The following GSKIP variants were observed in gnomAD, a reference collection of about 807,000 sequenced individuals.
GSKIP encodes GSK3B interacting protein.
GSKIP carries 5 observed loss-of-function variants against 11.9 expected under a neutral mutation model. The ratio of observed to expected loss-of-function variants is 0.42; its 90% CI spans 0.22 to 0.89. The LOEUF is 0.89. Among genes scored for constraint, GSKIP ranks in the 40% least tolerant of loss-of-function variants. The pLI, the probability that GSKIP is intolerant of heterozygous loss-of-function variation, is 0.29. For missense variants in GSKIP, 150 were observed against 166.6 expected (o/e 0.90, Z 0.55); for synonymous variants, 70 against 62.9 (o/e 1.11, Z -0.54).
chr14:96,385,375 C>T lies in GSKIP; in HGVS notation c.259-148C>T, dbSNP rs1042220696. ...ACTCTGACTTTGAGAAATAGTTTCACTCAGTTACCCATGTATCTGGTGGTC... is the reference window on the plus strand; with the variant it reads ...ACTCTGACTTTGAGAAATAGTTTCATTCAGTTACCCATGTATCTGGTGGTC... On this transcript the variant is annotated intron_variant, in intron 3 of 3. Transcript: ENST00000555181. The T allele has an allele frequency of 6.9e-6, 4 of 576,290 alleles. No homozygotes were observed. The African/African-American group carries it at 7.5e-5, about 11-fold the overall frequency. 35.7% of individuals were successfully genotyped at this position (576,290 alleles called of 1,614,324 possible).
At chr14:96,366,720 C>T (rs1340857996) in intron 1 of GSKIP, among the ~76,000 whole-genome samples, 1 of 152,022 alleles carries the variant, frequency 6.6e-6, no homozygotes, top group Non-Finnish European at 1.5e-5. Flanking sequence ...AGAGCAAGAC[C>T]CTATTTCAAA....
chr14:96,385,886 GC>G lies in GSKIP; in HGVS notation c.*203del, dbSNP rs1889477747. 1 of 499,760 alleles carries G rather than the reference GC, an allele frequency of 2.0e-6. No homozygotes were observed. The highest frequency in any genetic ancestry group is 3.6e-6 in the Non-Finnish European group (1 of 279,730). The allele number at this position is 499,760 out of a possible 1,614,324, so 31.0% of individuals were successfully genotyped here. On this transcript the variant is annotated 3_prime_UTR_variant, in exon 4 of 4. Transcript: ENST00000555181. ...TCAGTAAGGGAATTCTGAGGCCGTT[GC>G]TATGATACCATCATTAAGACATTCA...
intron 1 of GSKIP, among the ~76,000 whole-genome samples, chr14:96,376,438 G>A (rs1004302994): frequency 6.6e-6 from 1 of 152,074 alleles, no homozygotes; most frequent in African/African-American, 2.4e-5. Flanking sequence ...TGACTGACCT[G>A]TACCCTTAGT....
chr14:96,381,550 G>C (rs1381942160), intron 2 of GSKIP, among the ~76,000 whole-genome samples: 1 of 152,200 alleles, frequency 6.6e-6, no homozygotes, highest in African/African-American at 2.4e-5. Context: ...CTTACCTACT[G>C]TGGTAGGTAA....
chr14:96,385,694 T>C lies in GSKIP; in HGVS notation c.*10T>C, dbSNP rs760436445. 1.2e-6 allele frequency: 2 copies of C among 1,604,322 alleles called. No individual in the cohort carries two copies. The highest frequency in any genetic ancestry group is 2.2e-5 in the South Asian group (2 of 90,328). The stretch of plus-strand genomic sequence containing the variant: ...AGATGGACAGTCATGACTACACTTT[T>C]TCCTTTCAGAGGGGCTGGTGCTGGT... On this transcript the variant is annotated 3_prime_UTR_variant, in exon 4 of 4. Transcript: ENST00000555181.
intron 1 of GSKIP, among the ~76,000 whole-genome samples, chr14:96,377,034 C>T (rs558016506): frequency 4.5e-4 from 69 of 152,262 alleles, no homozygotes; most frequent in Non-Finnish European, 7.9e-4. Context: ...TTTACATCTG[C>T]TGAGATTTTT....
chr14:96,368,196 T>C (rs894600731), intron 1 of GSKIP, among the ~76,000 whole-genome samples: 10 of 151,738 alleles, frequency 6.6e-5, no homozygotes, highest in African/African-American at 2.4e-4. Flanking sequence ...TTTTTTTTTT[T>C]TTTTGAGACA....
chr14:96,368,282 C>T (rs1595345096), intron 1 of GSKIP, among the ~76,000 whole-genome samples: 1 of 151,814 alleles, frequency 6.6e-6, no homozygotes, highest in East Asian at 1.9e-4. Flanking sequence ...CAGGTTCAAC[C>T]GATCCTCCTA....
intron 1 of GSKIP, among the ~76,000 whole-genome samples, chr14:96,367,348 C>T (rs1341977056): frequency 1.3e-5 from 2 of 152,152 alleles, no homozygotes; most frequent in East Asian, 1.9e-4. Flanking sequence ...TGCTTGAGAG[C>T]CTGTTAACCA....
chr14:96,370,645 C>T (rs1368638582), intron 1 of GSKIP, among the ~76,000 whole-genome samples: 4 of 152,136 alleles, frequency 2.6e-5, no homozygotes, highest in African/African-American at 9.7e-5. Context: ...TTTCTATCTA[C>T]CTACCTACCT....
rs990613060 is a variant in GSKIP at position 96,385,067 on chromosome 14, GA to G, written c.259-449del. On this transcript the variant is annotated intron_variant, in intron 3 of 3. Transcript: ENST00000555181. The stretch of plus-strand genomic sequence containing the variant: ...GTTTATAAAAGAAGTGAAAAATAAT[GA>G]AAAAAATATGAACTAATGATATATT... Among the ~76,000 whole-genome samples the G allele has an allele frequency of 1.3e-4, 20 of 151,956 alleles. No homozygotes were observed. In the South Asian group the frequency reaches 1.9e-3, roughly 14 times the overall value.
chr14:96,378,467 CA>C (rs1179086357), intron 1 of GSKIP, among the ~76,000 whole-genome samples: 2 of 152,278 alleles, frequency 1.3e-5, no homozygotes, highest in East Asian at 3.9e-4. Context: ...GGTAAGGAAA[CA>C]GATTCCTTCC....
intron 1 of GSKIP, among the ~76,000 whole-genome samples, chr14:96,373,846 AATATTT>A (rs1889121984): frequency 6.6e-6 from 1 of 152,246 alleles, no homozygotes. Flanking sequence ...AATGCTCAAC[AATATTT>A]ATTACTTTTT....
rs1490502014 is a variant in GSKIP, at chr14:96,385,667, A to G, written c.403A>G (p.Arg135Gly). Residue 135 changes from arginine to glycine, a missense_variant, in exon 4 of 4, where the codon AGA (arginine) becomes GGA (glycine). Arg to Gly is a moderately radical substitution (Grantham distance 125). Transcript: ENST00000555181. ...GCTTCAAAGACTGGAAGCTTTGAAA[A>G]GAGATGGACAGTCATGACTACACTT... ...ALLQRLEALK[R>G]DGQS is the part of the protein sequence containing the mutation. 1 of 1,612,428 alleles carries G rather than the reference A, an allele frequency of 6.2e-7. No homozygotes were observed. Among genetic ancestry groups the G allele is most frequent in the East Asian group, 2.2e-5 (1 of 44,826 alleles).
intron 3 of GSKIP, among the ~76,000 whole-genome samples, chr14:96,383,746 A>G (rs984251839): frequency 2.6e-5 from 4 of 152,240 alleles, no homozygotes; most frequent in African/African-American, 9.6e-5. Context: ...CAGCTGCTGC[A>G]AAGATAGCTG....
At chr14:96,385,080 A>G (rs1159756377) in intron 3 of GSKIP, among the ~76,000 whole-genome samples, 1 of 152,190 alleles carries the variant, frequency 6.6e-6, no homozygotes. Flanking sequence ...AAAAATATGA[A>G]CTAATGATAT....
At chr14:96,369,899 G>C (rs761734262) in intron 1 of GSKIP, among the ~76,000 whole-genome samples, 1 of 152,118 alleles carries the variant, frequency 6.6e-6, no homozygotes, top group African/African-American at 2.4e-5. Context: ...CACTGGCAGT[G>C]TGCACCCTCA....
At chr14:96,378,767 G>T (rs1008048548) in intron 1 of GSKIP, among the ~76,000 whole-genome samples, 8 of 152,248 alleles carry the variant, frequency 5.3e-5, no homozygotes, top group African/African-American at 1.9e-4. Context: ...ATCAATCACT[G>T]CCTTTCATTA....
intron 1 of GSKIP, among the ~76,000 whole-genome samples, chr14:96,368,409 A>G (rs546090836): frequency 2.0e-5 from 3 of 152,226 alleles, no homozygotes; most frequent in Non-Finnish European, 2.9e-5. Flanking sequence ...GACTCAAGCA[A>G]TCCACCCACC....
Sources: gnomAD v4.1 joint callset for allele counts (sites outside exome capture counted in the v4.1 genomes callset) on GRCh38, gnomAD v4.1.1 for gene constraint, MANE v1.5 for transcripts, NCBI Gene and HGNC (gene_info 2026-07-23, HGNC 2026-07-21) for gene names.